XYLT1: variants seen among roughly 807,000 people sequenced by gnomAD.
The protein encoded by XYLT1 is xylosyltransferase 1.
A neutral mutation model predicts 91.3 loss-of-function variants in XYLT1; 36 were observed. That is an observed-to-expected ratio of 0.39 (90% CI 0.30 to 0.52). XYLT1 has a LOEUF of 0.52. Among genes scored for constraint, XYLT1 ranks in the 20% least tolerant of loss-of-function variants. The pLI is 0.68. For synonymous variants in XYLT1, 588 were observed against 532.0 expected (o/e 1.11, Z -1.45); for missense variants, 1,242 against 1,284.5 (o/e 0.97, Z 0.51).
At chr16:17,240,585 A>G (rs530429899) in intron 3 of XYLT1, among the ~76,000 whole-genome samples, 2 of 152,232 alleles carry the variant, frequency 1.3e-5, no homozygotes, top group Non-Finnish European at 2.9e-5. Context: ...GTAGAATTGG[A>G]AGGTCTTGCT....
intron 1 of XYLT1, among the ~76,000 whole-genome samples, chr16:17,427,605 C>T (rs989359140): frequency 2.0e-5 from 3 of 152,102 alleles, no homozygotes; most frequent in East Asian, 1.9e-4. Flanking sequence ...TTTTCAAATG[C>T]GTCACCCCAC....
chr16:17,157,613 G>GACAAA (rs1356608221), intron 6 of XYLT1, among the ~76,000 whole-genome samples: 1 of 152,126 alleles, frequency 6.6e-6, no homozygotes, highest in Non-Finnish European at 1.5e-5. Flanking sequence ...ATGAAAACAA[G>GACAAA]ACAAAACAAA....
chr16:17,225,166 C>CAT (rs1212082154), intron 3 of XYLT1, among the ~76,000 whole-genome samples: 4 of 97,988 alleles, frequency 4.1e-5, no homozygotes, highest in Non-Finnish European at 7.4e-5. Context: ...CACACACACA[C>CAT]ACACACACAC....
intron 2 of XYLT1, among the ~76,000 whole-genome samples, chr16:17,285,204 G>T (rs552068285): frequency 5.6e-4 from 86 of 152,346 alleles, no homozygotes; most frequent in South Asian, 1.4e-3. Context: ...CAAGTGATGG[G>T]AATTTACTTA....
chr16:17,465,721 C>G (rs752878586), intron 1 of XYLT1, among the ~76,000 whole-genome samples: 1 of 152,156 alleles, frequency 6.6e-6, no homozygotes, highest in Admixed American at 6.5e-5. Flanking sequence ...TGGATTTACT[C>G]GCACCCTACA....
At position 17,470,454 on chromosome 16, in the gene XYLT1, C is replaced by A. The variant is rs61758388; in HGVS notation, c.343G>T (p.Ala115Ser). Reference sequence around the variant, plus strand: ...CTTACCAGAGCCCGGGCGGGCAGTGCCCCCCGGCTGGCCGGCTGCTGTCCC... The same window carrying A: ...CTTACCAGAGCCCGGGCGGGCAGTGACCCCCGGCTGGCCGGCTGCTGTCCC... ...PRGQQPASRG[A>S]LPARALDPHP... Residue 115 changes from alanine (A) to serine (S), a missense_variant, in exon 1 of 12, where the codon GCA becomes TCA. By Grantham distance (99) the Ala-to-Ser change is moderately conservative. Coordinates refer to ENST00000261381, the MANE Select transcript of XYLT1 (RefSeq NM_022166.4). 0.027 allele frequency: 33,028 copies of A among 1,230,650 alleles called. 523 individuals carry two copies. The highest frequency in any genetic ancestry group is 0.031 in the Non-Finnish European group (30,165 of 986,980). The allele number at this position is 1,230,650 out of a possible 1,614,324, so 76.2% of individuals were successfully genotyped here. A position where few individuals can be genotyped will look rare whatever the true frequency, so the allele number is the denominator to read the frequency against.
At chr16:17,440,483 T>C (rs527863566) in intron 1 of XYLT1, among the ~76,000 whole-genome samples, 1 of 152,270 alleles carries the variant, frequency 6.6e-6, no homozygotes, top group Non-Finnish European at 1.5e-5. Context: ...TTCTATCAGC[T>C]CTTTCTCGTT....
chr16:17,267,873 G>C (rs942426496), intron 2 of XYLT1, among the ~76,000 whole-genome samples: 20 of 150,668 alleles, frequency 1.3e-4, no homozygotes, highest in Admixed American at 6.7e-4. Context: ...ATCTAATGAG[G>C]CTGTTATGAG....
intron 3 of XYLT1, among the ~76,000 whole-genome samples, chr16:17,243,901 C>T (rs2033390920): frequency 6.6e-6 from 1 of 152,128 alleles, no homozygotes. Flanking sequence ...GAAGCAGATG[C>T]CCAGGTCTCC....
chr16:17,253,859 A>AGAGAGC (rs1555491314), intron 3 of XYLT1, among the ~76,000 whole-genome samples: 2,147 of 146,222 alleles, frequency 0.015, 45 homozygotes, highest in African/African-American at 0.037. Context: ...AGAGAGAGAG[A>AGAGAGC]GAGCGAGCCT....
At chr16:17,374,714 A>G (rs893815423) in intron 1 of XYLT1, among the ~76,000 whole-genome samples, 4 of 152,164 alleles carry the variant, frequency 2.6e-5, no homozygotes, top group Admixed American at 1.3e-4. Flanking sequence ...CTAAAATAGA[A>G]GGACAAAAAA....
At chr16:17,163,742 T>C (rs1315063644) in intron 5 of XYLT1, among the ~76,000 whole-genome samples, 1 of 152,000 alleles carries the variant, frequency 6.6e-6, no homozygotes, top group African/African-American at 2.4e-5. Context: ...AACGACCCAT[T>C]GTGGGGCAGA....
intron 1 of XYLT1, among the ~76,000 whole-genome samples, chr16:17,469,764 AACTGG>A (rs1298287245): frequency 6.6e-6 from 1 of 152,186 alleles, no homozygotes; most frequent in Admixed American, 6.5e-5. Context: ...CATGCCCTGA[AACTGG>A]AGATGGGGAG....
At chr16:17,109,191 A>T (rs190476242) in intron 11 of XYLT1, among the ~76,000 whole-genome samples, 174 bp from the exon 12 acceptor site, 37 of 152,344 alleles carry the variant, frequency 2.4e-4, no homozygotes, top group African/African-American at 8.2e-4. Context: ...GAGAAAACTG[A>T]GCCCGTAAGG....
rs146724766 is a variant in XYLT1, at chr16:17,139,571, C to T, written c.1588-1040G>A. 9.7e-3 allele frequency among the ~76,000 whole-genome samples: 1,481 copies of T among 152,300 alleles called. 12 individuals carry two copies. The highest frequency in any genetic ancestry group is 0.015 in the Non-Finnish European group (997 of 68,020). On this transcript the variant is annotated intron_variant, in intron 7 of 11. Coordinates refer to ENST00000261381, the MANE Select transcript of XYLT1 (RefSeq NM_022166.4). Reference sequence around the variant, plus strand: ...TAAATGAGGCTCCAGCCGCCACCCCCTGCTGACCTTCCTGTGACACTAAAT... The same window carrying T: ...TAAATGAGGCTCCAGCCGCCACCCCTTGCTGACCTTCCTGTGACACTAAAT...
In XYLT1 at chr16:17,138,460, G is replaced by A. The variant is rs771027871; in HGVS notation, c.1659C>T (p.Thr553=). The part of the protein sequence containing the change: ...DTMVDNNLRI[T]NWNRKLGCKC... ...TGCAGCCCAGCTTGCGATTCCAGTT[G>A]GTGATGCGCAGGTTGTTGTCCACCA... is the stretch of plus-strand genomic sequence containing the variant. The change falls in exon 8 of 12, where the codon ACC becomes ACT. Residue 553 remains threonine (T), a synonymous_variant. Transcript: ENST00000261381. The A allele has an allele frequency of 1.3e-5, 21 of 1,614,054 alleles. No individual in the cohort carries two copies. In the Admixed American group the frequency reaches 2.0e-4, roughly 15 times the overall value.
chr16:17,359,603 T>A (rs1203750640), intron 1 of XYLT1, among the ~76,000 whole-genome samples: 2 of 152,150 alleles, frequency 1.3e-5, no homozygotes, highest in Non-Finnish European at 2.9e-5. Flanking sequence ...CAAGAGAACA[T>A]CCCACTCTAA....
intron 1 of XYLT1, among the ~76,000 whole-genome samples, chr16:17,402,659 C>A (rs1043183211): frequency 6.6e-6 from 1 of 152,094 alleles, no homozygotes; most frequent in African/African-American, 2.4e-5. Flanking sequence ...GGTGAAAATG[C>A]CCATCATTAA....
chr16:17,157,195 G>A lies in XYLT1; in HGVS notation c.1370+1634C>T, dbSNP rs373285601. 2.7e-4 allele frequency among the ~76,000 whole-genome samples: 41 copies of A among 152,150 alleles called. No homozygotes were observed. The East Asian group carries it at 5.8e-3, about 22-fold the overall frequency. ...ACTCCAGACCTCAGGTGATCCGCCTGCCTCACCCTCCCAAAGTTCTGGGAT... is the reference window on the plus strand; with the variant it reads ...ACTCCAGACCTCAGGTGATCCGCCTACCTCACCCTCCCAAAGTTCTGGGAT... On this transcript the variant is annotated intron_variant, in intron 6 of 11. Coordinates refer to ENST00000261381, the MANE Select transcript of XYLT1 (RefSeq NM_022166.4).
Sources: allele counts gnomAD v4.1 joint callset (sites outside exome capture counted in the v4.1 genomes callset), GRCh38; gene constraint gnomAD v4.1.1; transcripts MANE v1.5; gene names NCBI Gene and HGNC (gene_info 2026-07-23, HGNC 2026-07-21).